Variants in TBL1XR1 observed in about 807,000 individuals in gnomAD.
TBL1XR1 encodes F-box-like/WD repeat-containing protein TBL1XR1.
In TBL1XR1, 5 loss-of-function variants were observed where a neutral mutation model predicts 66.9. The ratio of observed to expected loss-of-function variants is 0.07; its 90% CI spans 0.04 to 0.16. The LOEUF is 0.16. Among genes scored for constraint, TBL1XR1 ranks in the 10% least tolerant of loss-of-function variants. The probability of loss-of-function intolerance (pLI) is 1.00; values close to 1 mark genes in which losing one functional copy is unlikely to be tolerated. For missense variants in TBL1XR1, 238 were observed against 623.2 expected (o/e 0.38, Z 6.58); for synonymous variants, 210 against 206.0 (o/e 1.02, Z -0.17).
intron 1 of TBL1XR1, among the ~76,000 whole-genome samples, chr3:177,124,925 T>C (rs908110958): frequency 6.6e-6 from 1 of 151,936 alleles, no homozygotes; most frequent in African/African-American, 2.4e-5. Flanking sequence ...TAAAAAATTA[T>C]CACAAACTGG....
chr3:177,170,714 C>T (rs140838684), intron 1 of TBL1XR1, among the ~76,000 whole-genome samples: 90 of 152,270 alleles, frequency 5.9e-4, no homozygotes, highest in Non-Finnish European at 1.1e-3. Flanking sequence ...AAGCAATCTT[C>T]CTGCCTCTGC....
intron 10 of TBL1XR1, among the ~76,000 whole-genome samples, chr3:177,042,998 T>C (rs559709337): frequency 6.6e-6 from 1 of 152,188 alleles, no homozygotes; most frequent in South Asian, 2.1e-4. Context: ...CAGTATATTA[T>C]TAACTTATAA....
Position 177,089,525 on chromosome 3 carries a change from C to T in TBL1XR1, c.-46+8941G>A, listed in dbSNP as rs554713112. Among the ~76,000 whole-genome samples the T allele has an allele frequency of 4.8e-4, 73 of 152,298 alleles. 1 individual carries two copies. In the South Asian group the frequency reaches 0.015, roughly 32 times the overall value. ...CAAAAAAATTAGTCTTTCAGGCAGTCGGTATCAGCCTCCTTTTCCCTTTCT... is the reference window on the plus strand; with the variant it reads ...CAAAAAAATTAGTCTTTCAGGCAGTTGGTATCAGCCTCCTTTTCCCTTTCT... On this transcript the variant is annotated intron_variant, in intron 2 of 15. Transcript: ENST00000457928.
At chr3:177,077,711 T>C (rs1228107854) in intron 2 of TBL1XR1, among the ~76,000 whole-genome samples, 5 of 152,224 alleles carry the variant, frequency 3.3e-5, no homozygotes. Flanking sequence ...TGCTTTTAGT[T>C]CTGTTTCAAC....
intron 10 of TBL1XR1, among the ~76,000 whole-genome samples, chr3:177,043,205 C>T (rs1715841839): frequency 1.3e-5 from 2 of 152,100 alleles, no homozygotes; most frequent in Non-Finnish European, 2.9e-5. Flanking sequence ...CGTTTATAGC[C>T]TTACTTCCCT....
intron 2 of TBL1XR1, among the ~76,000 whole-genome samples, chr3:177,085,045 A>G (rs1239090950): frequency 6.6e-6 from 1 of 152,180 alleles, no homozygotes. Flanking sequence ...AGATTGAGCC[A>G]GTTTCTTTCA....
At chr3:177,093,351 T>C (rs3108714) in intron 2 of TBL1XR1, among the ~76,000 whole-genome samples, 143,512 of 152,280 alleles carry the variant, frequency 0.94, 67,722 homozygotes, top group East Asian at 1. Context: ...AAACACATCC[T>C]GTGTTCATGG....
Position 177,115,610 on chromosome 3 carries a change from G to A in TBL1XR1, c.-121-17069C>T, listed in dbSNP as rs140481678. The stretch of plus-strand genomic sequence containing the variant: ...CCCCCTTCAATCACACTATCCGTAC[G>A]CCTCATTCCACTCTTTCCCCGCAAC... On this transcript the variant is annotated intron_variant, in intron 1 of 15. Coordinates refer to ENST00000457928, the MANE Select transcript of TBL1XR1 (RefSeq NM_024665.7). Among the ~76,000 whole-genome samples, 213 of 151,836 alleles carry A rather than the reference G, an allele frequency of 1.4e-3. 1 individual carries two copies. Among genetic ancestry groups the A allele is most frequent in the African/African-American group, 5.0e-3 (207 of 41,398 alleles).
In TBL1XR1 at chr3:177,197,369, G is replaced by C. The variant is rs1298221445; in HGVS notation, c.-370C>G. The C allele has an allele frequency of 6.8e-6, 1 of 146,648 alleles. No individual in the cohort carries two copies. The highest frequency in any genetic ancestry group is 1.5e-5 in the Non-Finnish European group (1 of 65,820). The allele number at this position is 146,648 out of a possible 1,614,324, so 9.1% of individuals were successfully genotyped here. A position where few individuals can be genotyped will look rare whatever the true frequency, so the allele number is the denominator to read the frequency against. On this transcript the variant is annotated 5_prime_UTR_variant, in exon 1 of 16. Coordinates refer to ENST00000457928, the MANE Select transcript of TBL1XR1 (RefSeq NM_024665.7). Reference sequence around the variant, plus strand: ...GCTCCCGCCGCGGGGGGAGGGGCGGGGGCGCACGCGGCCGGCGGCGGGGGG... The same window carrying C: ...GCTCCCGCCGCGGGGGGAGGGGCGGCGGCGCACGCGGCCGGCGGCGGGGGG...
chr3:177,140,962 C>T (rs1729562694), intron 1 of TBL1XR1, among the ~76,000 whole-genome samples: 1 of 152,160 alleles, frequency 6.6e-6, no homozygotes, highest in Non-Finnish European at 1.5e-5. Context: ...GACAATTCTT[C>T]TTCTTCCATT....
At chr3:177,069,172 T>C (rs1336625674) in intron 2 of TBL1XR1, among the ~76,000 whole-genome samples, 1 of 152,186 alleles carries the variant, frequency 6.6e-6, no homozygotes, top group Non-Finnish European at 1.5e-5. Context: ...CGTGAGTCAG[T>C]ATATGTCACA....
At chr3:177,162,388 G>A (rs1362059023) in intron 1 of TBL1XR1, among the ~76,000 whole-genome samples, 3 of 152,240 alleles carry the variant, frequency 2.0e-5, no homozygotes, top group African/African-American at 7.2e-5. Flanking sequence ...CGGAAGGCAT[G>A]AAATGTTCCA....
intron 1 of TBL1XR1, among the ~76,000 whole-genome samples, chr3:177,183,981 T>C (rs1198630627): frequency 4.0e-5 from 6 of 150,870 alleles, no homozygotes; most frequent in Admixed American, 3.9e-4. Flanking sequence ...TAGTCTCCTG[T>C]TACTGCTGAG....
Position 177,034,305 on chromosome 3 carries a change from G to A in TBL1XR1, c.1143C>T (p.Asp381=), listed in dbSNP as rs773941585. The A allele has an allele frequency of 6.3e-7, 1 of 1,586,132 alleles. No homozygotes were observed. The highest frequency in any genetic ancestry group is 1.9e-5 in the Admixed American group (1 of 52,718). Residue 381 remains aspartate, a synonymous_variant, in exon 13 of 16, where the codon GAC becomes GAT. Transcript: ENST00000457928. ...MTLKIWSMKQ[D]NCVHDLQAHN... is the part of the protein sequence containing the mutation. The stretch of plus-strand genomic sequence containing the variant: ...GTGCTTGCAAATCATGGACACAATT[G>A]TCTTGTTTCATACTCCATATCTAAA...
chr3:177,150,827 T>C (rs1299119437), intron 1 of TBL1XR1, among the ~76,000 whole-genome samples: 2 of 152,150 alleles, frequency 1.3e-5, no homozygotes, highest in Admixed American at 1.3e-4. Flanking sequence ...TAGAGTGAGG[T>C]ATTAATAAGG....
intron 2 of TBL1XR1, among the ~76,000 whole-genome samples, chr3:177,072,151 T>A (rs1420518723): frequency 6.6e-6 from 1 of 152,210 alleles, no homozygotes; most frequent in Admixed American, 6.5e-5. Context: ...TACTTCACTG[T>A]TAAGGCTGTT....
intron 1 of TBL1XR1, among the ~76,000 whole-genome samples, chr3:177,172,542 G>A (rs1455290666): frequency 6.6e-6 from 1 of 151,554 alleles, no homozygotes; most frequent in Non-Finnish European, 1.5e-5. Context: ...AGGATCGCAT[G>A]AGCCCAGGAT....
At chr3:177,170,642 T>C (rs547361744) in intron 1 of TBL1XR1, among the ~76,000 whole-genome samples, 2 of 152,296 alleles carry the variant, frequency 1.3e-5, no homozygotes, top group South Asian at 4.1e-4. Context: ...TGGTTTTTGT[T>C]GTTGTTGTTT....
intron 3 of TBL1XR1, 76 bp from the exon 4 acceptor site, chr3:177,053,994 C>G: frequency 1.4e-6 from 2 of 1,453,052 alleles, no homozygotes. Flanking sequence ...AGAAAGATCA[C>G]CATCATCTTT....
Sources: gnomAD v4.1 joint callset for allele counts (sites outside exome capture counted in the v4.1 genomes callset) on GRCh38, gnomAD v4.1.1 for gene constraint, MANE v1.5 for transcripts, NCBI Gene and HGNC (gene_info 2026-07-23, HGNC 2026-07-21) for gene names.